Variants in SH3KBP1 observed in about 807,000 individuals in gnomAD.
SH3KBP1 encodes the protein SH3 domain-containing kinase-binding protein 1.
In SH3KBP1, 8 loss-of-function variants were observed where a neutral mutation model predicts 50.1. The observed-to-expected ratio is 0.16, with a 90% CI of 0.09 to 0.29. The LOEUF is 0.29. SH3KBP1 is among the 10% of genes least tolerant of loss of function. SH3KBP1 has a pLI of 1.00. For missense variants in SH3KBP1, 377 were observed against 535.2 expected, an observed-to-expected ratio of 0.70 and a Z score of 2.92; for synonymous variants, 227 against 218.6, an observed-to-expected ratio of 1.04 and a Z score of -0.34.
At chrX:19,697,334 C>T (rs959683731) in intron 4 of SH3KBP1, among the ~76,000 whole-genome samples, 22 of 111,920 alleles carry the variant, frequency 2.0e-4, no homozygotes, top group East Asian at 2.8e-4. Context: ...AAGTCCAGTT[C>T]GAATTTTTTC....
chrX:19,797,886 C>T (rs1202304980), intron 2 of SH3KBP1, among the ~76,000 whole-genome samples: 2 of 98,386 alleles, frequency 2.0e-5, no homozygotes, highest in East Asian at 6.0e-4. Flanking sequence ...TAGAAAGTGC[C>T]CTAAACACAC....
At chrX:19,736,323 T>C (rs1230156407) in intron 3 of SH3KBP1, among the ~76,000 whole-genome samples, 4 of 112,019 alleles carry the variant, frequency 3.6e-5, no homozygotes, top group Admixed American at 1.9e-4. Flanking sequence ...ATTTCCTTGT[T>C]TTACAAATGG....
chrX:19,665,536 A>G (rs1414969799), intron 6 of SH3KBP1, among the ~76,000 whole-genome samples: 1 of 111,964 alleles, frequency 8.9e-6, no homozygotes, highest in Non-Finnish European at 1.9e-5. Context: ...AAAAATATCT[A>G]TTAGAGGTGT....
intron 1 of SH3KBP1, among the ~76,000 whole-genome samples, chrX:19,872,252 C>CAAAAAAAAAAAAAAAAAAA (rs67033348): frequency 1.1e-4 from 4 of 37,959 alleles, no homozygotes; most frequent in Non-Finnish European, 1.8e-4. Context: ...AACTTCATCT[C>CAAAAAAAAAAAAAAAAAAA]AAAAAAAAAA....
At chrX:19,820,580 A>T (rs2067495529) in intron 2 of SH3KBP1, among the ~76,000 whole-genome samples, 1 of 110,377 alleles carries the variant, frequency 9.1e-6, no homozygotes, top group South Asian at 3.8e-4. Context: ...TTTACTTCCA[A>T]CGTGCCTATA....
At chrX:19,579,462 C>T (rs903277398) in intron 12 of SH3KBP1, among the ~76,000 whole-genome samples, 8 of 111,908 alleles carry the variant, frequency 7.1e-5, no homozygotes, top group East Asian at 2.8e-4. Context: ...TGCAGGGTGC[C>T]GTGTGGAGGA....
chrX:19,612,392 T>C (rs2067457501), intron 8 of SH3KBP1, among the ~76,000 whole-genome samples: 1 of 111,520 alleles, frequency 9.0e-6, no homozygotes, highest in Non-Finnish European at 1.9e-5. Flanking sequence ...CCTCCCCAAG[T>C]AGCTGGGATT....
At chrX:19,613,030 T>C (rs768563806) in intron 8 of SH3KBP1, among the ~76,000 whole-genome samples, 1 of 111,515 alleles carries the variant, frequency 9.0e-6, no homozygotes, top group African/African-American at 3.3e-5. Flanking sequence ...TGATATGAGG[T>C]GTGAGGCAAG....
At chrX:19,708,068 G>C (rs2063691673) in intron 3 of SH3KBP1, among the ~76,000 whole-genome samples, 1 of 112,826 alleles carries the variant, frequency 8.9e-6, no homozygotes, top group Admixed American at 9.3e-5. Context: ...CTGCCTACAG[G>C]GATTCTTTTT....
chrX:19,652,682 T>G (rs969045827), intron 6 of SH3KBP1, among the ~76,000 whole-genome samples: 1 of 112,322 alleles, frequency 8.9e-6, no homozygotes, highest in East Asian at 2.8e-4. Flanking sequence ...TAACTTTATC[T>G]CAGTATATTC....
intron 6 of SH3KBP1, among the ~76,000 whole-genome samples, chrX:19,679,671 G>A (rs1391344406): frequency 9.0e-6 from 1 of 111,199 alleles, no homozygotes; most frequent in African/African-American, 3.3e-5. Context: ...AAAATAGAGT[G>A]TGATGAACCC....
At chrX:19,874,670 G>GGCTGAGA (rs1406994651) in intron 1 of SH3KBP1, among the ~76,000 whole-genome samples, 1 of 103,763 alleles carries the variant, frequency 9.6e-6, no homozygotes, top group Non-Finnish European at 2.0e-5. Context: ...AACACAGAGG[G>GGCTGAGA]GCTGAGAGGA....
At chrX:19,822,528 G>A (rs779759879) in intron 2 of SH3KBP1, among the ~76,000 whole-genome samples, 5 of 111,953 alleles carry the variant, frequency 4.5e-5, no homozygotes, top group Non-Finnish European at 7.5e-5. Flanking sequence ...GATTTGCTGA[G>A]ATTTTCTAAT....
At chrX:19,767,483 C>A (rs1859523559) in intron 2 of SH3KBP1, among the ~76,000 whole-genome samples, 1 of 111,916 alleles carries the variant, frequency 8.9e-6, no homozygotes, top group Admixed American at 9.5e-5. Flanking sequence ...AAACTTTTTC[C>A]CAGCAAACTA....
intron 15 of SH3KBP1, among the ~76,000 whole-genome samples, chrX:19,542,672 C>T (rs1307594575): frequency 3.6e-5 from 4 of 111,598 alleles, no homozygotes; most frequent in African/African-American, 6.5e-5. Context: ...GGGCAGGCAT[C>T]GCAAGCAGGT....
chrX:19,558,426 C>T (rs915918998), intron 13 of SH3KBP1, among the ~76,000 whole-genome samples: 4 of 112,220 alleles, frequency 3.6e-5, no homozygotes, highest in African/African-American at 1.3e-4. Flanking sequence ...ATATTCTAAA[C>T]ATTGAGATTT....
chrX:19,691,380 A>ATT (rs1187485998), intron 5 of SH3KBP1, among the ~76,000 whole-genome samples: 5 of 87,999 alleles, frequency 5.7e-5, no homozygotes, highest in Admixed American at 2.7e-4. Context: ...ATCTTTTGAG[A>ATT]TTATATATAT....
intron 2 of SH3KBP1, among the ~76,000 whole-genome samples, chrX:19,811,478 C>T (rs908395400): frequency 8.9e-5 from 10 of 111,792 alleles, no homozygotes; most frequent in East Asian, 2.8e-4. Flanking sequence ...CCGAAGCCTT[C>T]GGCAGCAGGC....
chrX:19,594,837 G>T, intron 10 of SH3KBP1, 112 bp downstream of exon 10: 1 of 569,547 alleles, frequency 1.8e-6, no homozygotes, highest in Non-Finnish European at 3.0e-6. Context: ...TTCCCAAGTA[G>T]TCAATCTATG....
Sources: allele counts gnomAD v4.1 joint callset (sites outside exome capture counted in the v4.1 genomes callset), GRCh38; gene constraint gnomAD v4.1.1; transcripts MANE v1.5; gene names NCBI Gene and HGNC (gene_info 2026-07-23, HGNC 2026-07-21).